NALF1: variants seen among roughly 807,000 people sequenced by gnomAD.
NALF1 encodes NALCN channel auxiliary factor 1, also known as family with sequence similarity 155 member A.
A neutral mutation model predicts 48.4 loss-of-function variants in NALF1; 3 were observed. The ratio of observed to expected loss-of-function variants is 0.06; its 90% confidence interval spans 0.03 to 0.16. NALF1 has a LOEUF of 0.16. Ranked by LOEUF, NALF1 falls within the 10% of genes least tolerant of loss-of-function variation. The pLI is 1.00. For synonymous variants in NALF1, 262 were observed against 245.7 expected, an observed-to-expected ratio of 1.07 and a Z score of -0.62; for missense variants, 526 against 571.5, an observed-to-expected ratio of 0.92 and a Z score of 0.81.
chr13:107,830,637 G>A (rs9520594), intron 1 of NALF1, among the ~76,000 whole-genome samples: 59,550 of 151,936 alleles, frequency 0.39, 13,383 homozygotes, highest in Non-Finnish European at 0.52. Flanking sequence ...TTCGGGGAGC[G>A]GGGGGAGGAT....
intron 1 of NALF1, among the ~76,000 whole-genome samples, chr13:107,729,232 GA>G (rs1876242377): frequency 6.6e-6 from 1 of 152,104 alleles, no homozygotes; most frequent in Non-Finnish European, 1.5e-5. Context: ...AAGAATATGT[GA>G]AACAAGCAAA....
chr13:107,727,980 A>G, intron 1 of NALF1, among the ~76,000 whole-genome samples: 1 of 152,208 alleles, frequency 6.6e-6, no homozygotes, highest in East Asian at 1.9e-4. Flanking sequence ...CAAAACCACA[A>G]TGAGATACCA....
chr13:107,512,601 CAG>C (rs1023543092), intron 1 of NALF1, among the ~76,000 whole-genome samples: 1 of 152,072 alleles, frequency 6.6e-6, no homozygotes, highest in Non-Finnish European at 1.5e-5. Flanking sequence ...GACTGTCCTA[CAG>C]AGCAGGGCTA....
rs71121563 is a variant in NALF1 at position 107,867,304 on chromosome 13, T to TGCCGCCGCCGCCGCC, written c.-723_-709dup. Among the ~76,000 whole-genome samples, 5 of 103,534 alleles carry TGCCGCCGCCGCCGCC rather than the reference T, an allele frequency of 4.8e-5. No homozygotes were observed. The highest frequency in any genetic ancestry group is 1.9e-4 in the African/African-American group (5 of 26,082). 67.9% of individuals were successfully genotyped at this position (103,534 alleles called of 152,430 possible). ...ACCCCCCACCCCGCGCTCTAAGTGC[T>TGCCGCCGCCGCCGCC]GCCGCCGCCGCCGCCGCCGCCGCCG... On this transcript the variant is annotated 5_prime_UTR_variant, in exon 1 of 3. Coordinates refer to ENST00000375915, the MANE Select transcript of NALF1 (RefSeq NM_001080396.3). This position sits in a 1 kb window ranked among gnomAD's most constrained non-coding sequence, Gnocchi z 4.4.
chr13:107,587,635 G>A (rs905717516), intron 1 of NALF1, among the ~76,000 whole-genome samples: 1 of 152,104 alleles, frequency 6.6e-6, no homozygotes, highest in Non-Finnish European at 1.5e-5. Context: ...TGAGGAAAAA[G>A]GGATTACCAG....
intron 1 of NALF1, among the ~76,000 whole-genome samples, chr13:107,824,848 G>T (rs1044610175): frequency 6.6e-6 from 1 of 152,196 alleles, no homozygotes; most frequent in African/African-American, 2.4e-5. Flanking sequence ...AATCATGTTT[G>T]CTTTGCACCA....
chr13:107,190,232 T>A (rs902299958), intron 2 of NALF1, among the ~76,000 whole-genome samples: 1 of 152,194 alleles, frequency 6.6e-6, no homozygotes, highest in Non-Finnish European at 1.5e-5. Flanking sequence ...TAGGTTGTAA[T>A]TGAAGAGACA....
intron 1 of NALF1, among the ~76,000 whole-genome samples, chr13:107,664,150 C>T (rs986942548): frequency 6.6e-6 from 1 of 152,206 alleles, no homozygotes; most frequent in African/African-American, 2.4e-5. Context: ...TTCCCAAAGT[C>T]GTCTTCATTT....
intron 1 of NALF1, among the ~76,000 whole-genome samples, chr13:107,613,171 T>C (rs1014911151): frequency 5.3e-5 from 8 of 152,180 alleles, no homozygotes; most frequent in African/African-American, 1.4e-4. Context: ...CTTGTTCTAC[T>C]CACAGACACT....
At chr13:107,532,861 T>C (rs1256332175) in intron 1 of NALF1, among the ~76,000 whole-genome samples, 1 of 152,092 alleles carries the variant, frequency 6.6e-6, no homozygotes, top group African/African-American at 2.4e-5. Flanking sequence ...ATTGCAATTA[T>C]ATTAACTGAA....
intron 1 of NALF1, among the ~76,000 whole-genome samples, chr13:107,624,492 G>A (rs1879612172): frequency 1.3e-5 from 2 of 151,988 alleles, no homozygotes; most frequent in African/African-American, 4.8e-5. Flanking sequence ...ATACTTTTTA[G>A]GCAAATTATT....
chr13:107,330,043 G>C (rs1222535238), intron 1 of NALF1, among the ~76,000 whole-genome samples: 2 of 152,214 alleles, frequency 1.3e-5, no homozygotes, highest in East Asian at 3.9e-4. Flanking sequence ...AACTCAGGAG[G>C]GATTGTTTAG....
At chr13:107,533,865 T>C (rs970027303) in intron 1 of NALF1, among the ~76,000 whole-genome samples, 1 of 152,034 alleles carries the variant, frequency 6.6e-6, no homozygotes, top group African/African-American at 2.4e-5. Flanking sequence ...TCATTGAACA[T>C]AGGTAAAATC....
At chr13:107,393,207 T>C (rs936767400) in intron 1 of NALF1, among the ~76,000 whole-genome samples, 4 of 151,976 alleles carry the variant, frequency 2.6e-5, no homozygotes, top group South Asian at 2.1e-4. Context: ...CTATAAAGAG[T>C]TACAGGAGAA....
At chr13:107,496,697 G>T (rs994383921) in intron 1 of NALF1, among the ~76,000 whole-genome samples, 1 of 152,154 alleles carries the variant, frequency 6.6e-6, no homozygotes, top group Admixed American at 6.6e-5. Flanking sequence ...AAAAGAAAGA[G>T]GTTTATTGGA....
At chr13:107,740,053 G>C (rs149582756) in intron 1 of NALF1, among the ~76,000 whole-genome samples, 8 of 152,066 alleles carry the variant, frequency 5.3e-5, no homozygotes, top group Admixed American at 5.2e-4. Flanking sequence ...TGCACAATAA[G>C]TGTAATCCAC....
chr13:107,528,188 T>A (rs16970620), intron 1 of NALF1, among the ~76,000 whole-genome samples: 16 of 152,188 alleles, frequency 1.1e-4, no homozygotes. Context: ...ATGTTGGTAA[T>A]AGCAATTTTT....
intron 1 of NALF1, among the ~76,000 whole-genome samples, chr13:107,609,295 G>A (rs937453833): frequency 3.3e-5 from 5 of 152,114 alleles, no homozygotes; most frequent in African/African-American, 9.7e-5. Flanking sequence ...TATGTGCCAG[G>A]AACATCATTC....
At chr13:107,226,593 T>C (rs1011783899) in intron 1 of NALF1, among the ~76,000 whole-genome samples, 1 of 152,216 alleles carries the variant, frequency 6.6e-6, no homozygotes, top group Admixed American at 6.5e-5. Context: ...ATACTTAGCA[T>C]CGGGTTTCTG....
Sources: gnomAD v4.1 joint callset for allele counts (sites outside exome capture counted in the v4.1 genomes callset) on GRCh38, gnomAD v4.1.1 for gene constraint, Gnocchi (gnomAD v3.1) non-coding constraint, MANE v1.5 for transcripts, NCBI Gene and HGNC (gene_info 2026-07-23, HGNC 2026-07-21) for gene names.